WDPCP: variants seen among roughly 807,000 people sequenced by gnomAD.
The protein encoded by WDPCP is WD repeat-containing and planar cell polarity effector protein fritz homolog.
WDPCP carries 71 observed loss-of-function variants against 93.1 expected under a neutral mutation model. The observed-to-expected ratio is 0.76, with a 90% confidence interval of 0.63 to 0.93. The LOEUF (loss-of-function observed/expected upper bound fraction) is 0.93, where lower values mean the gene tolerates loss of function less well. Ranked by LOEUF, WDPCP falls within the 40% of genes least tolerant of loss-of-function variation. The probability of loss-of-function intolerance (pLI) is 0.00; values close to 1 mark genes in which losing one functional copy is unlikely to be tolerated. For synonymous variants in WDPCP, 315 were observed against 315.0 expected, an observed-to-expected ratio of 1.00 and a Z score of 0.00; for missense variants, 844 against 887.4, an observed-to-expected ratio of 0.95 and a Z score of 0.62.
chr2:63,599,488 A>G (rs1311784222), intron 3 of WDPCP: 1 of 422,352 alleles, frequency 2.4e-6, no homozygotes, highest in African/African-American at 2.1e-5. Flanking sequence ...AAAGGACCAG[A>G]GGCTGGACTT....
At chr2:63,136,390 G>A (rs1670619501) in intron 17 of WDPCP, among the ~76,000 whole-genome samples, 1 of 148,120 alleles carries the variant, frequency 6.8e-6, no homozygotes, top group Non-Finnish European at 1.5e-5. Flanking sequence ...GGGATTGATG[G>A]AGAGAGTGAG....
chr2:63,658,372 G>C (rs1459180178), intron 2 of WDPCP, among the ~76,000 whole-genome samples: 1 of 152,176 alleles, frequency 6.6e-6, no homozygotes, highest in East Asian at 1.9e-4. Context: ...TCCTTATGGG[G>C]ATGTGTCAGC....
At chr2:63,134,509 T>C (rs1355624297) in intron 17 of WDPCP, among the ~76,000 whole-genome samples, 2 of 152,190 alleles carry the variant, frequency 1.3e-5, no homozygotes, top group Non-Finnish European at 2.9e-5. Context: ...CATGTACACA[T>C]ATTGTTTTCA....
At chr2:63,126,388 T>G (rs1669903729) in intron 17 of WDPCP, among the ~76,000 whole-genome samples, 2 of 152,232 alleles carry the variant, frequency 1.3e-5, no homozygotes, top group African/African-American at 4.8e-5. Context: ...TTTGACAGAT[T>G]AATCATGTAA....
intron 3 of WDPCP, chr2:63,606,056 C>T: frequency 6.4e-7 from 1 of 1,569,522 alleles, no homozygotes; most frequent in Non-Finnish European, 8.8e-7. Context: ...TATTTCCCTT[C>T]TTTGAGGAAG....
intron 2 of WDPCP, among the ~76,000 whole-genome samples, chr2:63,740,743 T>C (rs1294680344): frequency 6.6e-6 from 1 of 152,138 alleles, no homozygotes; most frequent in Admixed American, 6.6e-5. Flanking sequence ...AAACCACAAT[T>C]TCCATAATAC....
At chr2:63,593,274 A>G (rs1709237141), upstream of WDPCP, 2 of 199,892 alleles carry the variant, frequency 1.0e-5, no homozygotes, top group Non-Finnish European at 2.1e-5. Flanking sequence ...CTGTATTTTT[A>G]GTAGAGACGG....
At chr2:63,454,272 G>A (rs908994483) in intron 6 of WDPCP, among the ~76,000 whole-genome samples, 7 of 151,814 alleles carry the variant, frequency 4.6e-5, no homozygotes, top group South Asian at 2.1e-4. Flanking sequence ...ACCAAACACC[G>A]CATGTTCTCA....
rs1709277351 is a variant in WDPCP, at chr2:63,594,981, TC to T, written n.488+55677del. ...CCCCGCTGAAGCAGGCACTCCGACT[TC>T]CAGCAAGCCTGATTAATATACACTA... On this transcript the variant is annotated intron_variant and non_coding_transcript_variant, in intron 3 of 4. Coordinates refer to the WDPCP transcript ENST00000467687. The T allele has an allele frequency of 1.6e-5, 4 of 252,300 alleles. No homozygotes were observed. In the South Asian group the frequency reaches 1.9e-4, roughly 12 times the overall value. The allele number at this position is 252,300 out of a possible 1,614,324, so 15.6% of individuals were successfully genotyped here. A position where few individuals can be genotyped will look rare whatever the true frequency, so the allele number is the denominator to read the frequency against.
rs77501095 is a variant in WDPCP, at chr2:63,487,642, G to A, written c.161-148C>T. On this transcript the variant is annotated intron_variant, in intron 2 of 17. Transcript: ENST00000272321. ...GAAATAAAATGGCTCAAAAGCATCC[G>A]GAGATGAGTTCGTCTATTCTAGGGA... The A allele has an allele frequency of 5.6e-4, 322 of 572,902 alleles. 1 individual carries two copies. The highest frequency in any genetic ancestry group is 5.0e-3 in the African/African-American group (266 of 53,222). 35.5% of individuals were successfully genotyped at this position (572,902 alleles called of 1,614,324 possible). A position where few individuals can be genotyped will look rare whatever the true frequency, so the allele number is the denominator to read the frequency against.
At chr2:63,497,203 C>T (rs1004113733) in intron 1 of WDPCP, among the ~76,000 whole-genome samples, 1 of 150,078 alleles carries the variant, frequency 6.7e-6, no homozygotes, top group Non-Finnish European at 1.5e-5. Context: ...TGGTGGTATA[C>T]AGACAAAGCA....
chr2:63,446,092 GTTGACTTCCA>G (rs1376448688), intron 6 of WDPCP, among the ~76,000 whole-genome samples: 3 of 152,066 alleles, frequency 2.0e-5, no homozygotes, highest in Non-Finnish European at 4.4e-5. Flanking sequence ...TCACTTCTCA[GTTGACTTCCA>G]TGCAATATCC....
At chr2:63,256,521 A>G (rs957913320) in intron 14 of WDPCP, among the ~76,000 whole-genome samples, 3 of 152,180 alleles carry the variant, frequency 2.0e-5, no homozygotes, top group African/African-American at 4.8e-5. Context: ...GTTAACAACT[A>G]CTTTGGAAAA....
At position 63,553,783 on chromosome 2, in the gene WDPCP, T is replaced by A. The variant is rs549978893; in HGVS notation, c.75+34414A>T. On this transcript the variant is annotated intron_variant, in intron 1 of 17. Coordinates refer to ENST00000272321, the MANE Select transcript of WDPCP (RefSeq NM_015910.7). ...ATGGAAGTGTTGCAAAAATGATTTT[T>A]AAAAAAAACTCCTCTATACCCTTGA... Among the ~76,000 whole-genome samples the A allele has an allele frequency of 1.0e-3, 156 of 152,104 alleles. 3 individuals are homozygous for A. The highest frequency in any genetic ancestry group is 6.8e-3 in the Middle Eastern group (2 of 292).
chr2:63,631,233 T>C (rs1327351083), intron 3 of WDPCP, among the ~76,000 whole-genome samples: 1 of 152,000 alleles, frequency 6.6e-6, no homozygotes, highest in African/African-American at 2.4e-5. Context: ...GTGAGCAAGA[T>C]TGCGCCACTG....
chr2:63,579,930 C>T (rs565105080), intron 1 of WDPCP, among the ~76,000 whole-genome samples: 30 of 152,256 alleles, frequency 2.0e-4, no homozygotes, highest in African/African-American at 6.3e-4. Context: ...GTTAATGTTG[C>T]TATCAGGAGA....
chr2:63,420,390 C>T (rs1489837345), intron 9 of WDPCP, among the ~76,000 whole-genome samples: 1 of 116,616 alleles, frequency 8.6e-6, no homozygotes. Flanking sequence ...AAAAATTAGC[C>T]GGCTATGGTG....
At chr2:63,547,406 C>T (rs6717031) in intron 1 of WDPCP, among the ~76,000 whole-genome samples, 119,428 of 152,114 alleles carry the variant, frequency 0.79, 47,286 homozygotes, top group East Asian at 0.98. Flanking sequence ...AATTCCACTA[C>T]TGCGTAAATA....
intron 2 of WDPCP, among the ~76,000 whole-genome samples, chr2:63,753,290 A>C (rs548800767): frequency 6.6e-6 from 1 of 152,100 alleles, no homozygotes; most frequent in African/African-American, 2.4e-5. Flanking sequence ...TTAGCCGTGC[A>C]TGATGGTAGG....
Sources: allele counts gnomAD v4.1 joint callset (sites outside exome capture counted in the v4.1 genomes callset), GRCh38; gene constraint gnomAD v4.1.1; transcripts MANE v1.5; gene names NCBI Gene and HGNC (gene_info 2026-07-23, HGNC 2026-07-21).